The following ZC3H12B variants were observed in gnomAD, a reference collection of about 807,000 sequenced individuals.
ZC3H12B encodes the protein zinc finger CCCH-type containing 12B, also known as probable ribonuclease ZC3H12B.
ZC3H12B carries 7 observed loss-of-function variants against 43.9 expected under a neutral mutation model. The observed-to-expected ratio is 0.16, with a 90% CI of 0.09 to 0.30. The LOEUF (loss-of-function observed/expected upper bound fraction) is 0.30. Ranked by LOEUF, ZC3H12B falls within the 10% of genes least tolerant of loss-of-function variation. ZC3H12B has a pLI of 1.00. For synonymous variants in ZC3H12B, 222 were observed against 241.7 expected (o/e 0.92, Z 0.76); for missense variants, 475 against 670.2 (o/e 0.71, Z 3.22).
chrX:65,096,008 C>CA, the ZC3H12B span, among the ~76,000 whole-genome samples: 45 of 109,844 alleles, frequency 4.1e-4, no homozygotes, highest in African/African-American at 9.9e-4. Context: ...TATTAAAAGA[C>CA]AAAAAAAATA....
chrX:65,242,636 A>G, the ZC3H12B span, among the ~76,000 whole-genome samples: 1 of 111,958 alleles, frequency 8.9e-6, no homozygotes, highest in Non-Finnish European at 1.9e-5. Flanking sequence ...AGATCCTGAA[A>G]TTTATATGGA....
the ZC3H12B span, among the ~76,000 whole-genome samples, chrX:65,335,310 T>C: frequency 9.0e-6 from 1 of 111,392 alleles, no homozygotes; most frequent in Non-Finnish European, 1.9e-5. Context: ...CCACTTTTAA[T>C]TAAGCTGACT....
At chrX:65,402,501 G>A (rs758331642) in intron 3 of ZC3H12B, among the ~76,000 whole-genome samples, 2 of 111,596 alleles carry the variant, frequency 1.8e-5, no homozygotes, top group East Asian at 5.7e-4. Context: ...GTTACAACAG[G>A]CCTTGAGTGA....
At chrX:65,181,212 G>A in the ZC3H12B span, among the ~76,000 whole-genome samples, 1 of 111,854 alleles carries the variant, frequency 8.9e-6, no homozygotes, top group Non-Finnish European at 1.9e-5. Context: ...GCAGAAAACT[G>A]AAACTGGACC....
chrX:65,251,101 A>G, the ZC3H12B span, among the ~76,000 whole-genome samples: 1 of 111,762 alleles, frequency 8.9e-6, no homozygotes, highest in East Asian at 2.8e-4. Flanking sequence ...ATATATCTTG[A>G]ATTAATTTTA....
the ZC3H12B span, among the ~76,000 whole-genome samples, chrX:65,116,283 A>T: frequency 3.6e-5 from 4 of 111,719 alleles, no homozygotes; most frequent in Non-Finnish European, 7.5e-5. Flanking sequence ...CAATTATCCC[A>T]GCACCATTTG....
chrX:65,317,772 A>C, the ZC3H12B span, among the ~76,000 whole-genome samples: 1 of 101,985 alleles, frequency 9.8e-6, no homozygotes, highest in African/African-American at 3.5e-5. Context: ...CACACACACT[A>C]TATATATATA....
the ZC3H12B span, among the ~76,000 whole-genome samples, chrX:65,347,589 G>A: frequency 1.8e-5 from 2 of 112,024 alleles, no homozygotes; most frequent in Non-Finnish European, 3.8e-5. Context: ...GGAAACAGCA[G>A]GTGCTGGAGA....
At chrX:65,151,776 C>A in the ZC3H12B span, among the ~76,000 whole-genome samples, 2 of 111,069 alleles carry the variant, frequency 1.8e-5, no homozygotes, top group East Asian at 5.6e-4. Flanking sequence ...CAGACACAAC[C>A]AAAAAAGAGA....
chrX:65,201,921 C>A, the ZC3H12B span, among the ~76,000 whole-genome samples: 1 of 104,689 alleles, frequency 9.6e-6, no homozygotes, highest in African/African-American at 3.5e-5. Flanking sequence ...AGCTCTTATT[C>A]TTCTCCTTTT....
At chrX:65,407,699 G>A (rs979268033) in intron 3 of ZC3H12B, among the ~76,000 whole-genome samples, 2 of 113,709 alleles carry the variant, frequency 1.8e-5, no homozygotes, top group Non-Finnish European at 3.7e-5. Context: ...CGCCGCGCAC[G>A]CGGATCCCCG....
At chrX:65,200,831 C>A in the ZC3H12B span, among the ~76,000 whole-genome samples, 204 of 111,383 alleles carry the variant, frequency 1.8e-3, 1 homozygote, top group Non-Finnish European at 2.1e-3. Flanking sequence ...TTCGGCATTA[C>A]TGTCATGGAA....
chrX:65,165,081 TTTG>T, the ZC3H12B span, among the ~76,000 whole-genome samples: 1 of 111,549 alleles, frequency 9.0e-6, no homozygotes, highest in Non-Finnish European at 1.9e-5. Flanking sequence ...ACAGTAGATA[TTTG>T]TTGTAGAAAT....
At chrX:65,121,857 C>T in the ZC3H12B span, among the ~76,000 whole-genome samples, 6 of 111,299 alleles carry the variant, frequency 5.4e-5, no homozygotes, top group Non-Finnish European at 9.4e-5. Context: ...TCTTTGTTCT[C>T]GTTGGTTTCG....
At chrX:65,365,810 G>A (rs2066167043), upstream of ZC3H12B, among the ~76,000 whole-genome samples, 1 of 109,185 alleles carries the variant, frequency 9.2e-6, no homozygotes, top group Non-Finnish European at 1.9e-5. Flanking sequence ...AGCACCTTGT[G>A]ACCCCCACCC....
chrX:65,204,208 A>G, the ZC3H12B span, among the ~76,000 whole-genome samples: 1 of 112,000 alleles, frequency 8.9e-6, no homozygotes, highest in Non-Finnish European at 1.9e-5. Flanking sequence ...GCATTTATTC[A>G]TCTGATTTTT....
At chrX:65,401,799 C>T (rs2066766314) in intron 3 of ZC3H12B, among the ~76,000 whole-genome samples, 1 of 111,622 alleles carries the variant, frequency 9.0e-6, no homozygotes, top group Non-Finnish European at 1.9e-5. Context: ...ATTTCAGGCT[C>T]TAGTTTCCTG....
At chrX:65,181,716 C>T in the ZC3H12B span, among the ~76,000 whole-genome samples, 1 of 111,903 alleles carries the variant, frequency 8.9e-6, no homozygotes, top group African/African-American at 3.2e-5. Flanking sequence ...CATCTCAGAC[C>T]AGTTAGAATG....
intron 3 of ZC3H12B, among the ~76,000 whole-genome samples, chrX:65,439,755 G>A (rs927009738): frequency 4.6e-4 from 51 of 111,580 alleles, no homozygotes; most frequent in Non-Finnish European, 7.3e-4. Flanking sequence ...CTTTCCTCAG[G>A]TTTTCTTCTG....
Sources: allele counts gnomAD v4.1 joint callset (sites outside exome capture counted in the v4.1 genomes callset), GRCh38; gene constraint gnomAD v4.1.1; transcripts MANE v1.5; gene names NCBI Gene and HGNC (gene_info 2026-07-23, HGNC 2026-07-21).